Variants in USP6 observed in about 807,000 individuals in gnomAD.
The protein encoded by USP6 is ubiquitin carboxyl-terminal hydrolase 6.
In USP6, 128 loss-of-function variants were observed where a neutral mutation model predicts 175.7. The observed-to-expected ratio is 0.73, with a 90% CI of 0.63 to 0.84. USP6 has a LOEUF of 0.84. Among genes scored for constraint, USP6 ranks in the 40% least tolerant of loss-of-function variants. USP6 has a pLI of 0.00. For missense variants in USP6, 1,498 were observed against 1,760.3 expected, an observed-to-expected ratio of 0.85 and a Z score of 2.67; for synonymous variants, 562 against 630.6, an observed-to-expected ratio of 0.89 and a Z score of 1.63.
intron 30 of USP6, among the ~76,000 whole-genome samples, chr17:5,149,639 A>G (rs1265014144): frequency 6.6e-6 from 1 of 152,148 alleles, no homozygotes; most frequent in Non-Finnish European, 1.5e-5. Context: ...AGGTATGTAC[A>G]TCTTCACTGC....
At chr17:5,138,314 G>A (rs1425473948) in intron 21 of USP6, 41 bp downstream of exon 21, 1 of 1,611,128 alleles carries the variant, frequency 6.2e-7, no homozygotes, top group Admixed American at 1.7e-5. Flanking sequence ...TCAGCCTCTG[G>A]GGCAGTCAAT....
intron 10 of USP6, 42 bp downstream of exon 10, chr17:5,130,481 G>A: frequency 6.2e-7 from 1 of 1,613,136 alleles, no homozygotes; most frequent in Non-Finnish European, 8.5e-7. Context: ...CTCTTCCAGT[G>A]CGCCCTGGTC....
chr17:5,156,825 G>A (rs1204761861), intron 31 of USP6, among the ~76,000 whole-genome samples: 1 of 151,574 alleles, frequency 6.6e-6, no homozygotes, highest in East Asian at 1.9e-4. Flanking sequence ...CCGCCTCCAG[G>A]TTCAAGTGAT....
chr17:5,135,923 T>G lies in USP6; in HGVS notation c.659T>G (p.Leu220Arg), dbSNP rs199597837. 210 of 1,598,178 alleles carry G rather than the reference T, an allele frequency of 1.3e-4. No individual in the cohort carries two copies. Among genetic ancestry groups the G allele is most frequent in the Non-Finnish European group, 1.7e-4 (205 of 1,179,778 alleles). The change falls in exon 17 of 38, where the codon CTG (leucine) becomes CGG (arginine). Residue 220 changes from leucine (L) to arginine (R), a missense_variant. Physicochemically the swap from Leu to Arg is moderately radical, Grantham distance 102 (BLOSUM62 -2). Around this residue, in one of 2 missense-constraint regions of USP6, gnomAD observed 1,217 missense variants for 1,500.8 expected, o/e 0.81. Transcript: ENST00000574788. ...CTGCTGGCCAGTGAGAGGCACTCCC[T>G]GCCAGGTAGGTGAACAGCTGCCCGT... The part of the protein sequence containing the change: ...VQLLASERHS[L>R]PGFHSPNGGT...
At chr17:5,169,632 G>A (rs1158101893) in intron 35 of USP6, among the ~76,000 whole-genome samples, 1 of 151,936 alleles carries the variant, frequency 6.6e-6, no homozygotes, top group Non-Finnish European at 1.5e-5. Flanking sequence ...TGTAGAGATG[G>A]TGCTTCGCCA....
chr17:5,151,527 A>G (rs1312303134), intron 30 of USP6, among the ~76,000 whole-genome samples: 3 of 152,186 alleles, frequency 2.0e-5, no homozygotes. Context: ...AGAATAGCCA[A>G]GATACTCTTG....
At chr17:5,136,020 C>T (rs2143887584) in intron 17 of USP6, 92 bp downstream of exon 17, 3 of 1,581,096 alleles carry the variant, frequency 1.9e-6, no homozygotes, top group Non-Finnish European at 2.6e-6. Flanking sequence ...AAGGCACACT[C>T]CTTGTGTTGC....
intron 22 of USP6, among the ~76,000 whole-genome samples, chr17:5,140,480 G>A (rs563093724): frequency 1.3e-5 from 2 of 152,314 alleles, no homozygotes; most frequent in African/African-American, 4.8e-5. Context: ...GGCTGAGGCA[G>A]GAGGATTGCT....
chr17:5,121,343 C>T, intron 3 of USP6, 32 bp from the exon 4 acceptor site: 1 of 344,734 alleles, frequency 2.9e-6, no homozygotes, highest in Admixed American at 4.0e-5. Flanking sequence ...TGAAAATCTC[C>T]TGAAACCCCT....
In USP6 at chr17:5,173,394, C is replaced by T. The variant is rs1455164086; in HGVS notation, c.*416C>T. ...GTCTAGGGACGACATGATACGCTAC[C>T]TCCTTTTTCCTGAAGTTTTATTCCA... On this transcript the variant is annotated 3_prime_UTR_variant, in exon 38 of 38. Transcript: ENST00000574788. 1 of 228,054 alleles carries T rather than the reference C, an allele frequency of 4.4e-6. No homozygotes were observed. Among genetic ancestry groups the T allele is most frequent in the Non-Finnish European group, 8.7e-6 (1 of 114,948 alleles). 14.1% of individuals were successfully genotyped at this position (228,054 alleles called of 1,614,324 possible). A position where few individuals can be genotyped will look rare whatever the true frequency, so the allele number is the denominator to read the frequency against.
intron 28 of USP6, 47 bp downstream of exon 28, chr17:5,146,221 T>C: frequency 6.5e-7 from 1 of 1,528,250 alleles, no homozygotes; most frequent in Non-Finnish European, 8.8e-7. Context: ...CCTTCAAAGA[T>C]GACATTTTTC....
intron 2 of USP6, among the ~76,000 whole-genome samples, chr17:5,119,065 G>T (rs548783921): frequency 1.3e-5 from 2 of 152,286 alleles, no homozygotes; most frequent in South Asian, 4.1e-4. Context: ...CATCTGCTTA[G>T]AATTTCTCAA....
intron 1 of USP6, among the ~76,000 whole-genome samples, chr17:5,117,714 C>T (rs1446345548): frequency 2.0e-5 from 3 of 151,992 alleles, no homozygotes; most frequent in Non-Finnish European, 4.4e-5. Context: ...TGTAGAGAAG[C>T]GTTGGAATCA....
Position 5,120,156 on chromosome 17 carries a change from T to C in USP6, c.-1836-471T>C, listed in dbSNP as rs1456346773. ...ACCCGGAAGGTGTTTCCCCCTGGCT[T>C]TGAGGCTGGTTATACATTGCTTTCC... On this transcript the variant is annotated intron_variant, in intron 2 of 37. Coordinates refer to ENST00000574788, the MANE Select transcript of USP6 (RefSeq NM_001304284.2). 2.6e-5 allele frequency among the ~76,000 whole-genome samples: 4 copies of C among 152,156 alleles called. No individual in the cohort carries two copies. The East Asian group carries it at 7.7e-4, about 29-fold the overall frequency.
At chr17:5,121,936 C>T (rs1258437860) in intron 4 of USP6, among the ~76,000 whole-genome samples, 186 bp downstream of exon 4, 3 of 152,054 alleles carry the variant, frequency 2.0e-5, no homozygotes, top group Non-Finnish European at 4.4e-5. Flanking sequence ...CAAGTTAAAG[C>T]GTCTGGATTA....
chr17:5,168,707 A>G (rs955406312), intron 34 of USP6, 60 bp from the exon 35 acceptor site: 20 of 1,497,786 alleles, frequency 1.3e-5, no homozygotes, highest in African/African-American at 4.2e-5. Flanking sequence ...TGTTTTTTCC[A>G]TGTAAATTTT....
At chr17:5,172,654 T>C in intron 37 of USP6, 151 bp from the exon 38 acceptor site, 2 of 1,021,990 alleles carry the variant, frequency 2.0e-6, no homozygotes, top group Non-Finnish European at 2.8e-6. Context: ...GGGGCTCATT[T>C]TAAAGGGGCA....
intron 4 of USP6, among the ~76,000 whole-genome samples, chr17:5,122,175 G>A (rs1477871125): frequency 6.6e-6 from 1 of 151,954 alleles, no homozygotes; most frequent in African/African-American, 2.4e-5. Flanking sequence ...GGTGGTGCAC[G>A]CAGAAGAGAG....
intron 21 of USP6, among the ~76,000 whole-genome samples, chr17:5,138,543 C>T (rs768438297): frequency 1.3e-5 from 2 of 152,154 alleles, no homozygotes; most frequent in Non-Finnish European, 2.9e-5. Context: ...GTGTCTCGCT[C>T]TCTCCCTCAC....
Sources: gnomAD v4.1 joint callset for allele counts (sites outside exome capture counted in the v4.1 genomes callset) on GRCh38, gnomAD v4.1.1 for gene constraint, gnomAD v4.1.1 regional missense constraint, MANE v1.5 for transcripts, NCBI Gene and HGNC (gene_info 2026-07-23, HGNC 2026-07-21) for gene names.